Variants in EDNRB observed in about 807,000 individuals in gnomAD.
EDNRB encodes the protein endothelin receptor type B.
In EDNRB, 18 loss-of-function variants were observed where a neutral mutation model predicts 46.4. The observed-to-expected ratio is 0.39, with a 90% CI of 0.27 to 0.57. The LOEUF (loss-of-function observed/expected upper bound fraction) is 0.57, where lower values mean the gene tolerates loss of function less well. EDNRB is among the 20% of genes least tolerant of loss of function. The pLI is 0.61. For synonymous variants in EDNRB, 213 were observed against 204.9 expected, an observed-to-expected ratio of 1.04 and a Z score of -0.34; for missense variants, 434 against 537.5, an observed-to-expected ratio of 0.81 and a Z score of 1.90.
intron 1 of EDNRB, among the ~76,000 whole-genome samples, chr13:77,928,250 T>A (rs1880294626): frequency 6.6e-6 from 1 of 152,168 alleles, no homozygotes; most frequent in African/African-American, 2.4e-5. Context: ...AGTGGGGGCT[T>A]ACTTCATATT....
At chr13:77,943,460 T>A (rs1043197217) in intron 1 of EDNRB, among the ~76,000 whole-genome samples, 1 of 152,144 alleles carries the variant, frequency 6.6e-6, no homozygotes, top group Admixed American at 6.5e-5. Flanking sequence ...TTAAATGTCA[T>A]GTAGCCTTAC....
At chr13:77,921,649 A>T (rs573567295), upstream of EDNRB, among the ~76,000 whole-genome samples, 1 of 152,246 alleles carries the variant, frequency 6.6e-6, no homozygotes, top group African/African-American at 2.4e-5. Context: ...AGTGTTCTAG[A>T]CATCAGTAAT....
At chr13:77,972,751 G>A (rs1224369945) in intron 1 of EDNRB, among the ~76,000 whole-genome samples, 4 of 152,160 alleles carry the variant, frequency 2.6e-5, no homozygotes, top group Non-Finnish European at 5.9e-5. Context: ...TAACTAGATG[G>A]TCCGCAATAG....
At chr13:77,944,544 T>A (rs918388382) in intron 1 of EDNRB, among the ~76,000 whole-genome samples, 1 of 151,974 alleles carries the variant, frequency 6.6e-6, no homozygotes, top group Non-Finnish European at 1.5e-5. Flanking sequence ...CTAGAGGAGA[T>A]AAATAGGTGC....
intron 1 of EDNRB, among the ~76,000 whole-genome samples, chr13:77,964,690 A>T (rs145145338): frequency 8.5e-5 from 13 of 152,230 alleles, no homozygotes; most frequent in African/African-American, 2.9e-4. Context: ...TGAAGAGTTA[A>T]TGGGTGTAGC....
At chr13:77,962,658 A>G (rs1041000534) in intron 1 of EDNRB, among the ~76,000 whole-genome samples, 6 of 152,332 alleles carry the variant, frequency 3.9e-5, no homozygotes, top group African/African-American at 1.4e-4. Flanking sequence ...ACTCACAGCC[A>G]GTATCATACT....
chr13:77,956,117 T>C (rs989318410), intron 1 of EDNRB, among the ~76,000 whole-genome samples: 3 of 152,210 alleles, frequency 2.0e-5, no homozygotes, highest in South Asian at 4.1e-4. Flanking sequence ...CTTTGCATAG[T>C]ATGGACGTTT....
intron 1 of EDNRB, among the ~76,000 whole-genome samples, chr13:77,925,604 C>T (rs2137648655): frequency 6.6e-6 from 1 of 152,344 alleles, no homozygotes; most frequent in Middle Eastern, 3.4e-3. Context: ...GAAATCTCTG[C>T]CTAGATTTCA....
At position 77,918,343 on chromosome 13, in the gene EDNRB, C is replaced by G. The variant is rs202070754; in HGVS notation, c.231G>C (p.Thr77=). Residue 77 remains threonine, a synonymous_variant, in exon 1 of 7, where the codon ACG becomes ACC. Transcript: ENST00000646607. The surrounding 1 kb of genome is among the most constrained non-coding windows in gnomAD (Gnocchi z 4.5). Reference sequence around the variant, plus strand: ...AGATGGTGCGTGGCGGAGATCCTGCCGTCCTGTCTCCTTTAGGCACCTCCG... The same window carrying G: ...AGATGGTGCGTGGCGGAGATCCTGCGGTCCTGTCTCCTTTAGGCACCTCCG... ...APAEVPKGDR[T]AGSPPRTISP... The G allele has an allele frequency of 9.3e-6, 15 of 1,613,706 alleles. No individual in the cohort carries two copies. The highest frequency in any genetic ancestry group is 8.3e-5 in the Admixed American group (5 of 59,988).
chr13:77,947,351 G>A (rs1370944570), intron 1 of EDNRB: 1 of 151,018 alleles, frequency 6.6e-6, no homozygotes, highest in East Asian at 1.9e-4. Context: ...GGGCAGGCTG[G>A]TCTTGAACTC....
intron 1 of EDNRB, among the ~76,000 whole-genome samples, chr13:77,927,045 C>G (rs1880258747): frequency 6.6e-6 from 1 of 152,210 alleles, no homozygotes; most frequent in Non-Finnish European, 1.5e-5. Context: ...GTATCTCCAA[C>G]AACATGTGAG....
chr13:77,920,973 T>G (rs1229948040), upstream of EDNRB, among the ~76,000 whole-genome samples: 3 of 152,144 alleles, frequency 2.0e-5, no homozygotes, highest in Non-Finnish European at 2.9e-5. Flanking sequence ...CATCTCCATC[T>G]CCATTCAAAT....
At chr13:77,937,072 T>C (rs1350061321) in intron 1 of EDNRB, among the ~76,000 whole-genome samples, 1 of 152,206 alleles carries the variant, frequency 6.6e-6, no homozygotes, top group Admixed American at 6.5e-5. Flanking sequence ...AAATGCATAT[T>C]AAGAATAAGG....
chr13:77,929,461 C>G (rs1880326180), intron 1 of EDNRB, among the ~76,000 whole-genome samples: 1 of 152,084 alleles, frequency 6.6e-6, no homozygotes. Context: ...CTTTATTTTC[C>G]TAAGAGAACA....
intron 1 of EDNRB, among the ~76,000 whole-genome samples, chr13:77,959,407 C>T (rs988636354): frequency 6.6e-6 from 1 of 152,180 alleles, no homozygotes; most frequent in Non-Finnish European, 1.5e-5. Context: ...CTGCAGCCAC[C>T]ACTGCTGATA....
intron 1 of EDNRB, among the ~76,000 whole-genome samples, chr13:77,967,004 T>C (rs1881601311): frequency 1.3e-5 from 2 of 152,170 alleles, no homozygotes; most frequent in African/African-American, 4.8e-5. Context: ...CCTAGTTTAA[T>C]TGTTTCCAAA....
chr13:77,934,073 C>A (rs1880480496), intron 1 of EDNRB, among the ~76,000 whole-genome samples: 2 of 152,080 alleles, frequency 1.3e-5, no homozygotes, highest in Non-Finnish European at 2.9e-5. Flanking sequence ...GGGTTAGCAC[C>A]AAGAGATATC....
chr13:77,896,374 G>T lies in EDNRB; in HGVS notation c.*1826C>A. On this transcript the variant is annotated 3_prime_UTR_variant, in exon 7 of 7. Transcript: ENST00000646607. Reference sequence around the variant, plus strand: ...TCTATGATAACAGGCCTCTGAAAAAGTGATTGGGATGAAATTAAAGAACAA... The same window carrying T: ...TCTATGATAACAGGCCTCTGAAAAATTGATTGGGATGAAATTAAAGAACAA... The T allele has an allele frequency of 1.3e-6, 2 of 1,490,922 alleles. No individual in the cohort carries two copies. The highest frequency in any genetic ancestry group is 8.9e-7 in the Non-Finnish European group (1 of 1,122,498). 92.4% of individuals were successfully genotyped at this position (1,490,922 alleles called of 1,614,324 possible).
Position 77,897,135 on chromosome 13 carries a change from A to G in EDNRB, c.*1065T>C. ...AGAGGGTGCTACCTGCCCCTTTGTC[A>G]TGTGGACACTGCACCAGGCAGTTCA... On this transcript the variant is annotated 3_prime_UTR_variant, in exon 7 of 7. Transcript: ENST00000646607. 1.0e-6 allele frequency: 1 copy of G among 985,768 alleles called. No homozygotes were observed. Among genetic ancestry groups the G allele is most frequent in the Non-Finnish European group, 1.2e-6 (1 of 830,288 alleles). 61.1% of individuals were successfully genotyped at this position (985,768 alleles called of 1,614,324 possible). A position where few individuals can be genotyped will look rare whatever the true frequency, so the allele number is the denominator to read the frequency against.
Sources: gnomAD v4.1 joint callset for allele counts (sites outside exome capture counted in the v4.1 genomes callset) on GRCh38, gnomAD v4.1.1 for gene constraint, Gnocchi (gnomAD v3.1) non-coding constraint, MANE v1.5 for transcripts, NCBI Gene and HGNC (gene_info 2026-07-23, HGNC 2026-07-21) for gene names.